RNF114: variants seen among roughly 807,000 people sequenced by gnomAD.
The protein encoded by RNF114 is E3 ubiquitin-protein ligase RNF114.
In RNF114, 6 loss-of-function variants were observed where a neutral mutation model predicts 28.4. The ratio of observed to expected loss-of-function variants is 0.21; its 90% CI spans 0.12 to 0.42. RNF114 has a LOEUF of 0.42. Ranked by LOEUF, RNF114 falls within the 10% of genes least tolerant of loss-of-function variation. The pLI is 1.00. For missense variants in RNF114, 249 were observed against 311.7 expected, an observed-to-expected ratio of 0.80 and a Z score of 1.51; for synonymous variants, 115 against 116.7, an observed-to-expected ratio of 0.99 and a Z score of 0.09.
At chr20:49,943,812 C>CCA (rs2090317032) in intron 2 of RNF114, 1 of 139,830 alleles carries the variant, frequency 7.2e-6, no homozygotes, top group South Asian at 2.4e-4. Context: ...GTGCCCATCA[C>CCA]CACGCCCAGC....
Position 49,953,581 on chromosome 20 carries a change from A to G in RNF114, c.*1440A>G, listed in dbSNP as rs1264694638. The G allele has an allele frequency of 6.6e-6, 1 of 152,206 alleles. No homozygotes were observed. Among genetic ancestry groups the G allele is most frequent in the Non-Finnish European group, 1.5e-5 (1 of 68,038 alleles). The allele number at this position is 152,206 out of a possible 1,614,324, so 9.4% of individuals were successfully genotyped here. ...CCCACTGGAAAAAAATAGTTTTTTC[A>G]TTAGTATTTCTCGGGAGGACCCAAA... On this transcript the variant is annotated 3_prime_UTR_variant, in exon 6 of 6. Coordinates refer to ENST00000244061, the MANE Select transcript of RNF114 (RefSeq NM_018683.4).
At chr20:49,938,867 C>T (rs2090296934) in intron 1 of RNF114, among the ~76,000 whole-genome samples, 1 of 152,214 alleles carries the variant, frequency 6.6e-6, no homozygotes, top group Non-Finnish European at 1.5e-5. Context: ...CCATTATACT[C>T]ACTGGACCCT....
chr20:49,941,900 TA>T, intron 2 of RNF114, 189 bp downstream of exon 2: 1 of 535,346 alleles, frequency 1.9e-6, no homozygotes, highest in South Asian at 2.8e-5. Context: ...TTTCTTTTTT[TA>T]AGAGTTGGTT....
intron 1 of RNF114, 92 bp from the exon 2 acceptor site, chr20:49,941,469 A>G: frequency 2.1e-6 from 3 of 1,399,170 alleles, no homozygotes; most frequent in Non-Finnish European, 1.9e-6. Context: ...TTTTTACTCC[A>G]TTATCCATTG....
intron 3 of RNF114, 43 bp downstream of exon 3, chr20:49,945,531 T>C (rs2090326890): frequency 3.8e-6 from 4 of 1,040,158 alleles, no homozygotes; most frequent in Admixed American, 2.1e-5. Context: ...CATCTCTTGC[T>C]ATTAATACAA....
chr20:49,941,664 C>A lies in RNF114; in HGVS notation c.244C>A (p.Arg82=). ...TGGCGTCCGAGCCGTGGAGCTCGAG[C>A]GGCAGATCGAGAGCACAGAGACTTC... ...APGVRAVELE[R]QIESTETSCH... is the part of the protein sequence containing the mutation. Residue 82 remains arginine (R), a synonymous_variant, in exon 2 of 6, where the codon CGG becomes AGG. Transcript: ENST00000244061. The A allele has an allele frequency of 6.2e-7, 1 of 1,612,620 alleles. No homozygotes were observed. Among genetic ancestry groups the A allele is most frequent in the Non-Finnish European group, 8.5e-7 (1 of 1,179,586 alleles).
intron 1 of RNF114, among the ~76,000 whole-genome samples, 156 bp downstream of exon 1, chr20:49,936,708 G>A (rs780587983): frequency 4.6e-5 from 7 of 151,770 alleles, no homozygotes; most frequent in Admixed American, 1.3e-4. Context: ...GAAAGCTGCC[G>A]GGGCGCTCTT....
intron 2 of RNF114, 146 bp downstream of exon 2, chr20:49,941,857 G>C (rs2146855000): frequency 1.3e-6 from 1 of 762,322 alleles, no homozygotes; most frequent in African/African-American, 1.8e-5. Context: ...TGATGGCTGG[G>C]CTGGTTTGTT....
At chr20:49,945,561 G>A (rs1385413747) in intron 3 of RNF114, 73 bp downstream of exon 3, 1 of 502,496 alleles carries the variant, frequency 2.0e-6, no homozygotes, top group Non-Finnish European at 3.4e-6. Flanking sequence ...ATGCCCAGGG[G>A]TTTAGTTGTA....
rs544934250 is a variant in RNF114 at position 49,952,414 on chromosome 20, C to T, written c.*273C>T. ...CTCGGCTACTTCCTGGAGCTTCTGC[C>T]GCCTCCTGTGGAAGATAATCTAGCT... On this transcript the variant is annotated 3_prime_UTR_variant, in exon 6 of 6. Coordinates refer to ENST00000244061, the MANE Select transcript of RNF114 (RefSeq NM_018683.4). 7.1e-5 allele frequency: 37 copies of T among 521,714 alleles called. 1 individual carries two copies. The South Asian group carries it at 1.0e-3, about 14-fold the overall frequency. 32.3% of individuals were successfully genotyped at this position (521,714 alleles called of 1,614,324 possible). A position where few individuals can be genotyped will look rare whatever the true frequency, so the allele number is the denominator to read the frequency against.
chr20:49,952,220 C>A lies in RNF114; in HGVS notation c.*79C>A. On this transcript the variant is annotated 3_prime_UTR_variant, in exon 6 of 6. Transcript: ENST00000244061. ...AAACGTGAAATCTATGACTCCTGTA[C>A]CTTACCTGTTCAACAGACCTGAAAA... The A allele has an allele frequency of 7.9e-7, 1 of 1,264,126 alleles. No individual in the cohort carries two copies. The highest frequency in any genetic ancestry group is 1.2e-6 in the Non-Finnish European group (1 of 861,538). 78.3% of individuals were successfully genotyped at this position (1,264,126 alleles called of 1,614,324 possible). A position where few individuals can be genotyped will look rare whatever the true frequency, so the allele number is the denominator to read the frequency against.
chr20:49,936,516 T>C lies in RNF114; in HGVS notation c.104T>C (p.Val35Ala). Residue 35 changes from valine (V) to alanine (A), a missense_variant, in exon 1 of 6, where the codon GTG (valine) becomes GCG (alanine). Physicochemically the swap from Val to Ala is moderately conservative, Grantham distance 64 (BLOSUM62 0). Coordinates refer to ENST00000244061, the MANE Select transcript of RNF114 (RefSeq NM_018683.4). ...GRFTCPVCLE[V>A]YEKPVQVPCG... Reference sequence around the variant, plus strand: ...TTCACGTGTCCCGTGTGCTTAGAGGTGTACGAGAAGCCGGTACAGGTGCCC... The same window carrying C: ...TTCACGTGTCCCGTGTGCTTAGAGGCGTACGAGAAGCCGGTACAGGTGCCC... 2 of 1,581,492 alleles carry C rather than the reference T, an allele frequency of 1.3e-6. No individual in the cohort carries two copies. Among genetic ancestry groups the C allele is most frequent in the Non-Finnish European group, 1.7e-6 (2 of 1,165,336 alleles).
chr20:49,952,013 C>G, intron 5 of RNF114, 63 bp from the exon 6 acceptor site: 1 of 1,319,300 alleles, frequency 7.6e-7, no homozygotes, highest in Non-Finnish European at 1.1e-6. Flanking sequence ...CCTGCTTCTA[C>G]TGAAAGCCAG....
intron 5 of RNF114, 32 bp downstream of exon 5, chr20:49,949,387 C>T (rs1327652187): frequency 1.3e-6 from 2 of 1,561,550 alleles, no homozygotes; most frequent in Admixed American, 1.7e-5. Context: ...TGATCCCTCC[C>T]CTGGGGGAGT....
At chr20:49,941,826 G>A (rs548488971) in intron 2 of RNF114, 115 bp downstream of exon 2, 3 of 1,047,084 alleles carry the variant, frequency 2.9e-6, no homozygotes, top group South Asian at 2.9e-5. Context: ...AACAGCACGC[G>A]TGCATGCCAA....
At chr20:49,948,449 AAGAC>A (rs2090343365) in intron 4 of RNF114, among the ~76,000 whole-genome samples, 2 of 101,882 alleles carry the variant, frequency 2.0e-5, no homozygotes, top group Non-Finnish European at 4.4e-5. Flanking sequence ...TTTTTTTTTT[AAGAC>A]AGAGTCTCAC....
intron 1 of RNF114, among the ~76,000 whole-genome samples, chr20:49,938,133 A>G (rs2038127): frequency 0.24 from 36,093 of 152,136 alleles, 4,545 homozygotes; most frequent in Middle Eastern, 0.31. Flanking sequence ...GAATCCACTT[A>G]TCCTTGGATC....
chr20:49,949,359 A>C lies in RNF114; in HGVS notation c.621+4A>C, dbSNP rs2090346999. On this transcript the variant is annotated splice_donor_region_variant and intron_variant, in intron 5 of 5. Transcript: ENST00000244061. ...GTTTTCTTATGACACTTTTGTGGTA[A>C]GTCTGGAGCCTGGGCTCTGATCCCT... 1 of 1,612,420 alleles carries C rather than the reference A, an allele frequency of 6.2e-7. No homozygotes were observed. The highest frequency in any genetic ancestry group is 1.1e-5 in the South Asian group (1 of 91,026).
intron 3 of RNF114, 88 bp downstream of exon 3, chr20:49,945,576 T>G: frequency 1.3e-6 from 1 of 743,916 alleles, no homozygotes; most frequent in South Asian, 1.6e-5. Flanking sequence ...GTTGTATGAA[T>G]TGTTATGCTG....
Sources: allele counts gnomAD v4.1 joint callset (sites outside exome capture counted in the v4.1 genomes callset), GRCh38; gene constraint gnomAD v4.1.1; transcripts MANE v1.5; gene names NCBI Gene and HGNC (gene_info 2026-07-23, HGNC 2026-07-21).